PUM2: variants seen among roughly 807,000 people sequenced by gnomAD.
PUM2 encodes pumilio RNA binding family member 2.
PUM2 carries 57 observed loss-of-function variants against 124.5 expected under a neutral mutation model. The observed-to-expected ratio is 0.46, with a 90% confidence interval of 0.37 to 0.57. The LOEUF (loss-of-function observed/expected upper bound fraction) is 0.57. Among genes scored for constraint, PUM2 ranks in the 20% least tolerant of loss-of-function variants. The probability of loss-of-function intolerance (pLI) is 0.00; values close to 1 mark genes in which losing one functional copy is unlikely to be tolerated. For synonymous variants in PUM2, 460 were observed against 446.1 expected, an observed-to-expected ratio of 1.03 and a Z score of -0.39; for missense variants, 1,065 against 1,290.6, an observed-to-expected ratio of 0.83 and a Z score of 2.68.
At chr2:20,294,283 G>A in intron 9 of PUM2, 93 bp downstream of exon 9, 2 of 1,424,788 alleles carry the variant, frequency 1.4e-6, no homozygotes, top group Non-Finnish European at 1.9e-6. Context: ...TACACAGTGA[G>A]GAAACGTAAG....
At chr2:20,322,718 A>G (rs539131007) in intron 2 of PUM2, among the ~76,000 whole-genome samples, 53 of 152,224 alleles carry the variant, frequency 3.5e-4, no homozygotes, top group South Asian at 2.7e-3. Context: ...TGGGAGGATC[A>G]CTTTAGGCCA....
At chr2:20,347,094 A>G (rs1024849477) in intron 1 of PUM2, among the ~76,000 whole-genome samples, 3 of 152,140 alleles carry the variant, frequency 2.0e-5, no homozygotes, top group African/African-American at 7.2e-5. Context: ...TTCCTCCACA[A>G]GAGAACAGTG....
At chr2:20,258,140 T>G in intron 16 of PUM2, 103 bp downstream of exon 16, 1 of 1,087,756 alleles carries the variant, frequency 9.2e-7, no homozygotes, top group Admixed American at 2.9e-5. Context: ...GTTGTGGAAA[T>G]ATTTAAGTCT....
intron 18 of PUM2, 91 bp from the exon 19 acceptor site, chr2:20,255,075 C>T: frequency 6.7e-7 from 1 of 1,503,410 alleles, no homozygotes; most frequent in Non-Finnish European, 9.1e-7. Flanking sequence ...TCTAAAAATC[C>T]AGTAGGATAG....
chr2:20,309,146 A>C (rs538540239), intron 5 of PUM2, among the ~76,000 whole-genome samples: 29 of 152,260 alleles, frequency 1.9e-4, no homozygotes, highest in Middle Eastern at 3.4e-3. Context: ...TATACATGAT[A>C]AGTCAAAAGG....
At chr2:20,292,913 G>C (rs1177827043) in intron 9 of PUM2, among the ~76,000 whole-genome samples, 1 of 151,908 alleles carries the variant, frequency 6.6e-6, no homozygotes, top group African/African-American at 2.4e-5. Flanking sequence ...GGCAACAAGA[G>C]CAAAACTCCA....
intron 1 of PUM2, among the ~76,000 whole-genome samples, chr2:20,339,929 T>C (rs1438630676): frequency 6.6e-6 from 1 of 152,032 alleles, no homozygotes; most frequent in African/African-American, 2.4e-5. Flanking sequence ...ACAGGATAAG[T>C]ATTTATAAAT....
At chr2:20,342,027 G>C (rs1687317009) in intron 1 of PUM2, among the ~76,000 whole-genome samples, 1 of 151,652 alleles carries the variant, frequency 6.6e-6, no homozygotes, top group Admixed American at 6.6e-5. Context: ...TACTAGGGAG[G>C]CTGAGGCAGG....
At chr2:20,288,308 C>G (rs1198225155) in intron 10 of PUM2, among the ~76,000 whole-genome samples, 1 of 152,070 alleles carries the variant, frequency 6.6e-6, no homozygotes, top group Non-Finnish European at 1.5e-5. Context: ...AAAAGAGTTA[C>G]AAAGAGTTGG....
In PUM2 at chr2:20,311,670, A is replaced by G. The variant is rs556263268; in HGVS notation, c.349-7T>C. ...TTTCAGCATCTCTAGTGCCCTGAGG[A>G]AAAAGAATCTGTTTGATTCTGAATA... On this transcript the variant is annotated splice_polypyrimidine_tract_variant and splice_region_variant and intron_variant, in intron 4 of 20. Coordinates refer to ENST00000361078, the MANE Select transcript of PUM2 (RefSeq NM_015317.5). 1.1e-5 allele frequency: 17 copies of G among 1,605,778 alleles called. No homozygotes were observed. The Admixed American group carries it at 2.6e-4, about 25-fold the overall frequency.
chr2:20,258,096 G>T, intron 16 of PUM2, 147 bp downstream of exon 16: 1 of 614,354 alleles, frequency 1.6e-6, no homozygotes, highest in Non-Finnish European at 2.6e-6. Flanking sequence ...TTAGTAGTGT[G>T]CTATTTAGGA....
At chr2:20,328,288 C>T (rs1023297538) in intron 1 of PUM2, among the ~76,000 whole-genome samples, 1 of 152,174 alleles carries the variant, frequency 6.6e-6, no homozygotes, top group Non-Finnish European at 1.5e-5. Context: ...CAAAATCGTG[C>T]CATTGCACTC....
Position 20,283,349 on chromosome 2 carries a change from G to GTGC in PUM2, c.1426_1428dup (p.Ala476dup), listed in dbSNP as rs758296879. Reference sequence around the variant, plus strand: ...AAATGTCAGTTACACTTACCAGCTTGTGCTGCTGCTGAACTAATTAAAACA... The same window carrying GTGC: ...AAATGTCAGTTACACTTACCAGCTTGTGCTGCTGCTGCTGAACTAATTAAAACA... On this transcript the variant is annotated inframe_insertion, in exon 11 of 21. Transcript: ENST00000361078. 6 of 1,613,870 alleles carry GTGC rather than the reference G, an allele frequency of 3.7e-6. No homozygotes were observed. Among genetic ancestry groups the GTGC allele is most frequent in the Non-Finnish European group, 5.1e-6 (6 of 1,179,998 alleles).
At chr2:20,303,684 T>C (rs1677538288) in intron 7 of PUM2, among the ~76,000 whole-genome samples, 1 of 152,212 alleles carries the variant, frequency 6.6e-6, no homozygotes, top group South Asian at 2.1e-4. Flanking sequence ...ACATTTCCCA[T>C]GTCTTGATTA....
At chr2:20,320,600 T>TA (rs149785770) in intron 2 of PUM2, among the ~76,000 whole-genome samples, 12,156 of 152,056 alleles carry the variant, frequency 0.08, 522 homozygotes, top group African/African-American at 0.09. Flanking sequence ...TCCATTTTTT[T>TA]AAAAAAAGTT....
At chr2:20,291,823 T>C (rs3821218) in intron 9 of PUM2, among the ~76,000 whole-genome samples, 41,695 of 151,912 alleles carry the variant, frequency 0.27, 6,236 homozygotes, top group Middle Eastern at 0.35. Context: ...AGAAAGGGCA[T>C]TGTTTGTCGC....
intron 13 of PUM2, among the ~76,000 whole-genome samples, chr2:20,269,021 G>T (rs1215831806): frequency 6.6e-6 from 1 of 151,922 alleles, no homozygotes; most frequent in Non-Finnish European, 1.5e-5. Context: ...ATCCAAGAAA[G>T]CACAGCTAAT....
At chr2:20,254,444 A>T (rs2148409859) in intron 19 of PUM2, among the ~76,000 whole-genome samples, 1 of 152,252 alleles carries the variant, frequency 6.6e-6, no homozygotes, top group South Asian at 2.1e-4. Context: ...CACGTGTGAG[A>T]CACTGTACCC....
chr2:20,330,964 A>G (rs560865579), intron 1 of PUM2, among the ~76,000 whole-genome samples: 40 of 152,302 alleles, frequency 2.6e-4, no homozygotes, highest in African/African-American at 7.7e-4. Flanking sequence ...TTGATACAGC[A>G]TATCAAGCAA....
Sources: gnomAD v4.1 joint callset for allele counts (sites outside exome capture counted in the v4.1 genomes callset) on GRCh38, gnomAD v4.1.1 for gene constraint, MANE v1.5 for transcripts, NCBI Gene and HGNC (gene_info 2026-07-23, HGNC 2026-07-21) for gene names.